Variants in RARB observed in about 807,000 individuals in gnomAD.
RARB encodes the protein HBV-activated protein.
RARB carries 17 observed loss-of-function variants against 51.9 expected under a neutral mutation model. The observed-to-expected ratio is 0.33, with a 90% CI of 0.22 to 0.49. RARB has a LOEUF of 0.49. Ranked by LOEUF, RARB falls within the 20% of genes least tolerant of loss-of-function variation. The probability of loss-of-function intolerance (pLI) is 0.99; values close to 1 mark genes in which losing one functional copy is unlikely to be tolerated. For missense variants in RARB, 369 were observed against 550.8 expected, an observed-to-expected ratio of 0.67 and a Z score of 3.30; for synonymous variants, 215 against 195.4, an observed-to-expected ratio of 1.10 and a Z score of -0.84.
intron 2 of RARB, among the ~76,000 whole-genome samples, chr3:24,937,108 T>C (rs1008562241): frequency 1.3e-5 from 2 of 151,996 alleles, no homozygotes; most frequent in Admixed American, 6.6e-5. Context: ...CTTCAAAAAG[T>C]GATTGTCTCA....
At chr3:25,276,695 G>A (rs146844427) in intron 5 of RARB, among the ~76,000 whole-genome samples, 27 of 152,266 alleles carry the variant, frequency 1.8e-4, no homozygotes, top group Admixed American at 4.6e-4. Flanking sequence ...CATAGGAAAG[G>A]CCTAAAGAAA....
chr3:25,413,320 C>T (rs578039938), intron 5 of RARB, among the ~76,000 whole-genome samples: 1 of 152,240 alleles, frequency 6.6e-6, no homozygotes, highest in East Asian at 1.9e-4. Context: ...TGTTTGTTCT[C>T]ATTGCTGGAG....
intron 2 of RARB, among the ~76,000 whole-genome samples, chr3:25,030,794 G>T (rs758694298): frequency 6.6e-6 from 1 of 152,148 alleles, no homozygotes; most frequent in Admixed American, 6.5e-5. Context: ...TGCCTGTCTG[G>T]TTTCTATAAC....
At chr3:25,246,440 T>G (rs1012686808) in intron 5 of RARB, among the ~76,000 whole-genome samples, 12 of 152,190 alleles carry the variant, frequency 7.9e-5, no homozygotes, top group African/African-American at 2.9e-4. Flanking sequence ...GTGCTTGTTT[T>G]TCCTCACCTT....
chr3:25,370,106 A>T (rs1419051546), intron 5 of RARB, among the ~76,000 whole-genome samples: 1 of 152,224 alleles, frequency 6.6e-6, no homozygotes, highest in Admixed American at 6.5e-5. Flanking sequence ...ATATATACAC[A>T]CACATAGATA....
At chr3:25,362,518 G>A (rs1035448923) in intron 5 of RARB, among the ~76,000 whole-genome samples, 3 of 152,184 alleles carry the variant, frequency 2.0e-5, no homozygotes, top group African/African-American at 4.8e-5. Context: ...CGCCACAGGG[G>A]TATGGAAAAT....
intron 1 of RARB, among the ~76,000 whole-genome samples, chr3:24,835,805 G>A (rs937266): frequency 0.27 from 40,319 of 152,094 alleles, 6,089 homozygotes; most frequent in South Asian, 0.41. Context: ...ACACCTCAAA[G>A]AAACAGTGGG....
intron 5 of RARB, among the ~76,000 whole-genome samples, chr3:25,274,364 G>T (rs1025392683): frequency 3.3e-5 from 5 of 151,730 alleles, no homozygotes; most frequent in African/African-American, 1.2e-4. Flanking sequence ...TACCATACAG[G>T]GTGGTGCCCT....
At chr3:25,219,323 C>A (rs191039450) in intron 5 of RARB, among the ~76,000 whole-genome samples, 49 of 152,032 alleles carry the variant, frequency 3.2e-4, no homozygotes, top group East Asian at 2.5e-3. Context: ...GAAGTCTCAA[C>A]CTACCCTATT....
At chr3:24,913,319 T>G (rs1695038699) in intron 2 of RARB, among the ~76,000 whole-genome samples, 1 of 151,792 alleles carries the variant, frequency 6.6e-6, no homozygotes, top group African/African-American at 2.4e-5. Context: ...GTTTTCCCAC[T>G]GAGATTTCCT....
intron 4 of RARB, among the ~76,000 whole-genome samples, chr3:25,575,216 C>A (rs996279839): frequency 6.6e-6 from 1 of 152,170 alleles, no homozygotes; most frequent in Non-Finnish European, 1.5e-5. Flanking sequence ...CGCCGCTGAT[C>A]TGAAGGAGGT....
At chr3:25,447,190 A>G (rs1352611679) in intron 1 of RARB, among the ~76,000 whole-genome samples, 1 of 152,180 alleles carries the variant, frequency 6.6e-6, no homozygotes, top group East Asian at 1.9e-4. Context: ...CATCACATGT[A>G]AGGATTTGTA....
chr3:25,456,554 A>ATTTTTTTTTTTTTTT (rs35056259), intron 1 of RARB, among the ~76,000 whole-genome samples: 1 of 44,122 alleles, frequency 2.3e-5, no homozygotes, highest in African/African-American at 9.9e-5. Context: ...TATACCACTG[A>ATTTTTTTTTTTTTTT]TTTTTTTTTT....
At chr3:25,456,986 T>C (rs528152466) in intron 1 of RARB, among the ~76,000 whole-genome samples, 1 of 152,258 alleles carries the variant, frequency 6.6e-6, no homozygotes, top group African/African-American at 2.4e-5. Context: ...TCTGACATTA[T>C]ATTAGTGGTT....
At chr3:25,188,099 C>T (rs1014249751) in intron 5 of RARB, among the ~76,000 whole-genome samples, 3 of 152,006 alleles carry the variant, frequency 2.0e-5, no homozygotes, top group South Asian at 2.1e-4. Context: ...AATATTCTTA[C>T]ATTTTTAACA....
chr3:24,894,343 C>A (rs888424152), intron 2 of RARB, among the ~76,000 whole-genome samples: 1 of 150,826 alleles, frequency 6.6e-6, no homozygotes, highest in African/African-American at 2.4e-5. Flanking sequence ...TTAGCTCCCA[C>A]TTACAAGTGA....
At chr3:24,994,528 T>C (rs1696980593) in intron 2 of RARB, among the ~76,000 whole-genome samples, 3 of 152,090 alleles carry the variant, frequency 2.0e-5, no homozygotes, top group African/African-American at 7.2e-5. Flanking sequence ...TTTTGCTTTT[T>C]GTTGTCTGTG....
intron 5 of RARB, among the ~76,000 whole-genome samples, chr3:25,199,186 A>G (rs555661848): frequency 1.9e-4 from 29 of 152,224 alleles, no homozygotes; most frequent in African/African-American, 7.0e-4. Flanking sequence ...AAGTGAAATA[A>G]GACAGGCACA....
intron 3 of RARB, among the ~76,000 whole-genome samples, chr3:25,091,136 T>C (rs959484163): frequency 2.6e-5 from 4 of 152,162 alleles, no homozygotes; most frequent in East Asian, 1.9e-4. Flanking sequence ...AGGATCTTTA[T>C]AGAACAACAA....
Sources: allele counts gnomAD v4.1 joint callset (sites outside exome capture counted in the v4.1 genomes callset), GRCh38; gene constraint gnomAD v4.1.1; transcripts MANE v1.5; gene names NCBI Gene and HGNC (gene_info 2026-07-23, HGNC 2026-07-21).